Variants in MPDZ observed in about 807,000 individuals in gnomAD.
MPDZ encodes multiple PDZ domain protein.
A neutral mutation model predicts 239.1 loss-of-function variants in MPDZ; 234 were observed. The observed-to-expected ratio is 0.98, with a 90% CI of 0.88 to 1.09. The LOEUF (loss-of-function observed/expected upper bound fraction) is 1.09, where lower values mean the gene tolerates loss of function less well. Among genes scored for constraint, MPDZ ranks in the 50% least tolerant of loss-of-function variants. The probability of loss-of-function intolerance (pLI) is 0.00; values close to 1 mark genes in which losing one functional copy is unlikely to be tolerated. For synonymous variants in MPDZ, 1,048 were observed against 881.3 expected, an observed-to-expected ratio of 1.19 and a Z score of -3.35; for missense variants, 3,175 against 2,510.0, an observed-to-expected ratio of 1.26 and a Z score of -5.66.
In MPDZ at chr9:13,205,057, T is replaced by C. The variant is rs1271290785; in HGVS notation, c.1525A>G (p.Ile509Val). ...TTACCTTCTTCTTCAGTTGGTAATA[T>C]GTTGGTGTTTCTCGTCGAAGATAAA... Reference protein sequence around the residue: ...DFLSSTRNTNILPTEEEGYPL... With the variant: ...DFLSSTRNTNVLPTEEEGYPL... Residue 509 changes from isoleucine (I) to valine (V), a missense_variant, in exon 12 of 47, where the codon ATA becomes GTA. By Grantham distance (29) the Ile-to-Val change is conservative (BLOSUM62 3). Transcript: ENST00000319217. The C allele has an allele frequency of 2.0e-6, 3 of 1,465,228 alleles. No homozygotes were observed. The highest frequency in any genetic ancestry group is 5.3e-5 in the East Asian group (2 of 37,528). The allele number at this position is 1,465,228 out of a possible 1,614,324, so 90.8% of individuals were successfully genotyped here.
chr9:13,247,199 G>A (rs141238834), intron 3 of MPDZ, among the ~76,000 whole-genome samples: 2 of 152,134 alleles, frequency 1.3e-5, no homozygotes, highest in East Asian at 3.9e-4. Context: ...CAAAATAGAG[G>A]TGATTTCCCT....
At chr9:13,228,741 C>G (rs1323368972) in intron 3 of MPDZ, among the ~76,000 whole-genome samples, 1 of 152,082 alleles carries the variant, frequency 6.6e-6, no homozygotes, top group Non-Finnish European at 1.5e-5. Context: ...CCTAACATAA[C>G]TAACAATTTC....
chr9:13,185,807 G>A (rs528248494), intron 18 of MPDZ, among the ~76,000 whole-genome samples: 2 of 151,904 alleles, frequency 1.3e-5, no homozygotes, highest in Non-Finnish European at 2.9e-5. Context: ...AAAACATGGG[G>A]TTTACCTTTC....
In MPDZ at chr9:13,219,666, T is replaced by C; in HGVS notation, c.979A>G (p.Asn327Asp). ...QVAQVLRQCG[N>D]RVKLMIARGA... ...CTTGCAATCATCAACTTAACTCTAT[T>C]TCCACATTGCCTAAGGACTTGTGCT... The change falls in exon 8 of 47, where the codon AAT becomes GAT. Residue 327 changes from asparagine to aspartate, a missense_variant. Asn to Asp is a conservative substitution (Grantham distance 23). Transcript: ENST00000319217. 1 of 1,612,738 alleles carries C rather than the reference T, an allele frequency of 6.2e-7. No homozygotes were observed. Among genetic ancestry groups the C allele is most frequent in the South Asian group, 1.1e-5 (1 of 91,072 alleles).
chr9:13,168,438 G>C lies in MPDZ; in HGVS notation c.3182C>G (p.Ser1061Cys). 2 of 1,613,578 alleles carry C rather than the reference G, an allele frequency of 1.2e-6. No individual in the cohort carries two copies. The highest frequency in any genetic ancestry group is 1.1e-5 in the South Asian group (1 of 91,070). The change falls in exon 22 of 47, where the codon TCT (serine) becomes TGT (cysteine). Residue 1061 changes from serine (S) to cysteine (C), a missense_variant. By Grantham distance (112) the Ser-to-Cys change is moderately radical. Coordinates refer to ENST00000319217, the MANE Select transcript of MPDZ (RefSeq NM_001378778.1). ...CTGGGCATTGGTTACACTGATGGTA[G>C]ACTCTTCATTAATGGACAAGATGCA... ...GDCILSINEE[S>C]TISVTNAQAR...
intron 42 of MPDZ, 127 bp from the exon 43 acceptor site, chr9:13,112,273 C>A (rs1942621353): frequency 1.1e-6 from 1 of 931,856 alleles, no homozygotes; most frequent in Admixed American, 3.2e-5. Context: ...TGAAGAAGTG[C>A]AAGAAAACTG....
At chr9:13,197,479 T>C (rs1955794484) in intron 12 of MPDZ, among the ~76,000 whole-genome samples, 1 of 152,134 alleles carries the variant, frequency 6.6e-6, no homozygotes, top group Non-Finnish European at 1.5e-5. Context: ...TAAAATATTT[T>C]ATTGATACAT....
chr9:13,158,354 G>GT, intron 23 of MPDZ, among the ~76,000 whole-genome samples: 1 of 152,072 alleles, frequency 6.6e-6, no homozygotes, highest in Non-Finnish European at 1.5e-5. Flanking sequence ...TGTCTAGTCT[G>GT]TTTTTTCCTT....
intron 2 of MPDZ, among the ~76,000 whole-genome samples, chr9:13,250,096 T>C (rs1314808797): frequency 6.6e-6 from 1 of 152,204 alleles, no homozygotes; most frequent in Non-Finnish European, 1.5e-5. Flanking sequence ...TTTTTGCTTA[T>C]AAGTAACGTA....
intron 28 of MPDZ, among the ~76,000 whole-genome samples, chr9:13,139,476 A>T (rs1431444403): frequency 6.6e-6 from 1 of 152,178 alleles, no homozygotes; most frequent in Non-Finnish European, 1.5e-5. Context: ...TGAGGGGAGA[A>T]CTCCATTTTA....
At chr9:13,178,889 C>A (rs2134294210) in intron 19 of MPDZ, among the ~76,000 whole-genome samples, 1 of 152,244 alleles carries the variant, frequency 6.6e-6, no homozygotes, top group Non-Finnish European at 1.5e-5. Flanking sequence ...CTTAATAAGT[C>A]CTTCCACACA....
intron 40 of MPDZ, 128 bp from the exon 41 acceptor site, chr9:13,114,149 G>C: frequency 1.3e-6 from 1 of 751,092 alleles, no homozygotes; most frequent in Admixed American, 2.7e-5. Context: ...AATTTGATGA[G>C]CAATTTAAAC....
rs186482347 is a variant in MPDZ at position 13,149,257 on chromosome 9, A to G, written c.3630+1254T>C. Among the ~76,000 whole-genome samples, 842 of 151,524 alleles carry G rather than the reference A, an allele frequency of 5.6e-3. 9 individuals carry two copies. The highest frequency in any genetic ancestry group is 0.019 in the African/African-American group (776 of 40,926). On this transcript the variant is annotated intron_variant, in intron 25 of 46. Coordinates refer to ENST00000319217, the MANE Select transcript of MPDZ (RefSeq NM_001378778.1). ...CAATCTTCTTCCGTCTAAGGCTCTC[A>G]AAGACAGCCAGTCAATGAAGGAATC...
At chr9:13,223,751 G>GC in intron 4 of MPDZ, 41 bp from the exon 5 acceptor site, 1 of 1,537,538 alleles carries the variant, frequency 6.5e-7, no homozygotes, top group East Asian at 2.5e-5. Context: ...TAAAAGCCAG[G>GC]CCATGCATGG....
chr9:13,242,472 G>C (rs927963200), intron 3 of MPDZ, among the ~76,000 whole-genome samples: 1 of 151,552 alleles, frequency 6.6e-6, no homozygotes, highest in Non-Finnish European at 1.5e-5. Context: ...CAAGTGATCC[G>C]CCTGCCTTGG....
chr9:13,230,316 G>A (rs551749664), intron 3 of MPDZ, among the ~76,000 whole-genome samples: 1 of 152,122 alleles, frequency 6.6e-6, no homozygotes, highest in African/African-American at 2.4e-5. Context: ...TTATTGTACA[G>A]AAATAAAAAC....
rs1025573457 is a variant in MPDZ, at chr9:13,175,608, A to T, written c.3055+144T>A. On this transcript the variant is annotated intron_variant, in intron 21 of 46. Transcript: ENST00000319217. ...TGTAAACCATTTCAAAAAAATAATG[A>T]GGACATAGAAATAAAAACTACAGGA... 2.9e-5 allele frequency: 23 copies of T among 800,474 alleles called. No homozygotes were observed. The African/African-American group carries it at 3.3e-4, about 12-fold the overall frequency. The allele number at this position is 800,474 out of a possible 1,614,324, so 49.6% of individuals were successfully genotyped here.
chr9:13,147,836 T>C (rs1948640718), intron 25 of MPDZ, among the ~76,000 whole-genome samples, 178 bp from the exon 26 acceptor site: 2 of 152,072 alleles, frequency 1.3e-5, no homozygotes, highest in African/African-American at 4.8e-5. Context: ...AGACTTGTGG[T>C]CCCTTGCTTT....
At chr9:13,186,699 C>G (rs1460908510) in intron 17 of MPDZ, among the ~76,000 whole-genome samples, 1 of 150,988 alleles carries the variant, frequency 6.6e-6, no homozygotes, top group East Asian at 1.9e-4. Context: ...TTTTAATATT[C>G]TAATAATCTT....
Sources: gnomAD v4.1 joint callset for allele counts (sites outside exome capture counted in the v4.1 genomes callset) on GRCh38, gnomAD v4.1.1 for gene constraint, MANE v1.5 for transcripts, NCBI Gene and HGNC (gene_info 2026-07-23, HGNC 2026-07-21) for gene names.